Variants in NEFH observed in about 807,000 individuals in gnomAD.
NEFH encodes neurofilament heavy chain.
NEFH carries 58 observed loss-of-function variants against 56.6 expected under a neutral mutation model. The ratio of observed to expected loss-of-function variants is 1.03; its 90% CI spans 0.83 to 1.28. NEFH has a LOEUF of 1.28. Ranked by LOEUF, NEFH falls within the 50% of genes most tolerant of loss-of-function variation. NEFH has a pLI of 0.00. For missense variants in NEFH, 1,221 were observed against 1,307.6 expected (o/e 0.93, Z 1.02); for synonymous variants, 542 against 545.8 (o/e 0.99, Z 0.10).
At position 29,491,001 on chromosome 22, in the gene NEFH, C is replaced by A. The variant is rs980245580; in HGVS notation, c.*298C>A. 1.8e-5 allele frequency: 9 copies of A among 487,792 alleles called. No individual in the cohort carries two copies. Among genetic ancestry groups the A allele is most frequent in the South Asian group, 1.5e-4 (7 of 48,146 alleles). The allele number at this position is 487,792 out of a possible 1,614,324, so 30.2% of individuals were successfully genotyped here. On this transcript the variant is annotated 3_prime_UTR_variant, in exon 4 of 4. Coordinates refer to ENST00000310624, the MANE Select transcript of NEFH (RefSeq NM_021076.4). ...AAACACTTGACTATAAAAACTGCCC[C>A]CCTCCTTTCCAAATAAGTGCATTTA...
chr22:29,490,837 T>A lies in NEFH; in HGVS notation c.*134T>A. ...AACTGCTTAGATGACGGGGCCTCCT[T>A]CTTCAAACAGGAATTTCTGTTAGCA... On this transcript the variant is annotated 3_prime_UTR_variant, in exon 4 of 4. Transcript: ENST00000310624. The A allele has an allele frequency of 1.3e-6, 2 of 1,510,118 alleles. No homozygotes were observed. The highest frequency in any genetic ancestry group is 2.8e-5 in the African/African-American group (2 of 72,382). The allele number at this position is 1,510,118 out of a possible 1,614,324, so 93.5% of individuals were successfully genotyped here. A position where few individuals can be genotyped will look rare whatever the true frequency, so the allele number is the denominator to read the frequency against.
chr22:29,489,859 TGAAG>T lies in NEFH; in HGVS notation c.2224_2227del (p.Glu742LysfsTer19). ...ACCCCCGAGAAGGCCAAGTCCCCAG[TGAAG>T]GAAGAAGCTAAGTCCCCAGAGAAGG... is the stretch of plus-strand genomic sequence containing the variant. On this transcript the variant is annotated frameshift_variant, in exon 4 of 4. Coordinates refer to ENST00000310624, the MANE Select transcript of NEFH (RefSeq NM_021076.4). LOFTEE classifies it high-confidence loss of function. The T allele has an allele frequency of 6.5e-7, 1 of 1,548,178 alleles. No homozygotes were observed. Among genetic ancestry groups the T allele is most frequent in the South Asian group, 1.2e-5 (1 of 86,312 alleles).
chr22:29,485,598 G>A (rs930495438), intron 2 of NEFH, 125 bp from the exon 3 acceptor site: 2 of 1,170,498 alleles, frequency 1.7e-6, no homozygotes, highest in African/African-American at 3.0e-5. Flanking sequence ...TGGCAGGGTT[G>A]GGGTTGGCCC....
chr22:29,489,755 T>C lies in NEFH; in HGVS notation c.2115T>C (p.Pro705=), dbSNP rs1224925186. 1.9e-6 allele frequency: 3 copies of C among 1,572,212 alleles called. No individual in the cohort carries two copies. Among genetic ancestry groups the C allele is most frequent in the Non-Finnish European group, 2.6e-6 (3 of 1,163,138 alleles). ...CAGTGAAGGAAGAAGCAAAGTCCCC[T>C]GAGAAGGCCAAGTCCCCAGTGAAGG... The part of the protein sequence containing the change: ...KSPVKEEAKS[P]EKAKSPVKEE... Residue 705 remains proline (P), a synonymous_variant, in exon 4 of 4, where the codon CCT becomes CCC. Transcript: ENST00000310624.
Position 29,490,322 on chromosome 22 carries a change from G to A in NEFH, c.2682G>A (p.Lys894=). Residue 894 remains lysine, a synonymous_variant, in exon 4 of 4, where the codon AAG becomes AAA. Transcript: ENST00000310624. ...AAGAATCCAAAGTTGAAGCCAAGAAGGAAGAGGCTGAAGATAAGAAAAAAG... is the reference window on the plus strand; with the variant it reads ...AAGAATCCAAAGTTGAAGCCAAGAAAGAAGAGGCTGAAGATAAGAAAAAAG... ...KPKESKVEAK[K]EEAEDKKKVP... is the part of the protein sequence containing the mutation. 1 of 1,613,120 alleles carries A rather than the reference G, an allele frequency of 6.2e-7. No individual in the cohort carries two copies. Among genetic ancestry groups the A allele is most frequent in the South Asian group, 1.1e-5 (1 of 90,966 alleles).
chr22:29,483,379 G>T lies in NEFH; in HGVS notation c.888G>T (p.Arg296Ser). ...TLQSEEWFRV[R>S]LDRLSEAAKV... ...CCCTGCTACCTTCTCCCCCAGTGAGGCTGGACCGACTGTCGGAGGCAGCCA... is the reference window on the plus strand; with the variant it reads ...CCCTGCTACCTTCTCCCCCAGTGAGTCTGGACCGACTGTCGGAGGCAGCCA... The change falls in exon 2 of 4, where the codon AGG becomes AGT. Residue 296 changes from arginine (R) to serine (S), a missense_variant. Arg to Ser is a moderately radical substitution (Grantham distance 110). Coordinates refer to ENST00000310624, the MANE Select transcript of NEFH (RefSeq NM_021076.4). 4 of 1,613,800 alleles carry T rather than the reference G, an allele frequency of 2.5e-6. No individual in the cohort carries two copies. The East Asian group carries it at 6.7e-5, about 27-fold the overall frequency.
rs141203874 is a variant in NEFH at position 29,488,960 on chromosome 22, C to T, written c.1320C>T (p.Ser440=). 1.5e-5 allele frequency: 25 copies of T among 1,613,952 alleles called. No homozygotes were observed. The highest frequency in any genetic ancestry group is 8.3e-5 in the Admixed American group (5 of 59,996). Residue 440 remains serine (S), a synonymous_variant, in exon 4 of 4, where the codon AGC becomes AGT. Transcript: ENST00000310624. ...PSVSTHIKVK[S]EEKIKVVEKS... ...TGTCCACTCACATAAAGGTGAAAAG[C>T]GAAGAGAAGATCAAAGTGGTGGAGA...
At chr22:29,488,826 G>A (rs772152457) in intron 3 of NEFH, 23 bp from the exon 4 acceptor site, 6 of 1,613,258 alleles carry the variant, frequency 3.7e-6, no homozygotes, top group Non-Finnish European at 5.1e-6. Flanking sequence ...TTATACTAAT[G>A]TGTTCCGTGA....
rs573961510 is a variant in NEFH at position 29,480,695 on chromosome 22, C to G, written c.433C>G (p.Leu145Val). The G allele has an allele frequency of 3.9e-6, 6 of 1,538,202 alleles. No individual in the cohort carries two copies. The highest frequency in any genetic ancestry group is 4.8e-5 in the East Asian group (2 of 41,614). Residue 145 changes from leucine to valine, a missense_variant, in exon 1 of 4, where the codon CTG becomes GTG. Physicochemically the swap from Leu to Val is conservative, Grantham distance 32 (BLOSUM62 1). Coordinates refer to ENST00000310624, the MANE Select transcript of NEFH (RefSeq NM_021076.4). ...QQAGRSAMGE[L>V]YEREVREMRG... The stretch of plus-strand genomic sequence containing the variant: ...GGCGGGCCGCTCCGCTATGGGCGAG[C>G]TGTACGAGCGCGAGGTCCGCGAGAT...
In NEFH at chr22:29,480,582, G is replaced by A. The variant is rs868169170; in HGVS notation, c.320G>A (p.Arg107His). 1 of 1,555,220 alleles carries A rather than the reference G, an allele frequency of 6.4e-7. No homozygotes were observed. ...EKEQLQALNDRFAGYIDKVRQ... is the reference protein window; with the variant it reads ...EKEQLQALNDHFAGYIDKVRQ... Reference sequence around the variant, plus strand: ...GAGCAGCTGCAGGCGCTGAACGACCGCTTCGCCGGGTACATCGACAAGGTG... The same window carrying A: ...GAGCAGCTGCAGGCGCTGAACGACCACTTCGCCGGGTACATCGACAAGGTG... The change falls in exon 1 of 4, where the codon CGC becomes CAC. Residue 107 changes from arginine (R) to histidine (H), a missense_variant. Arg to His is a conservative substitution (Grantham distance 29, BLOSUM62 0). Transcript: ENST00000310624.
chr22:29,490,661 TC>T lies in NEFH; in HGVS notation c.3023del (p.Pro1008GlnfsTer48), dbSNP rs754817483. On this transcript the variant is annotated frameshift_variant, in exon 4 of 4. Transcript: ENST00000310624. LOFTEE classifies it high-confidence loss of function. ...GCACAGACCAAAAAGACAGCAAGCCTCCAGAGAAGGCCACAGAAGACAAGGC... is the reference window on the plus strand; with the variant it reads ...GCACAGACCAAAAAGACAGCAAGCCTCAGAGAAGGCCACAGAAGACAAGGC... ...SSTDQKDSKP[P>X]EKATEDKAAK... is the part of the protein sequence containing the mutation. The T allele has an allele frequency of 6.2e-7, 1 of 1,613,672 alleles. No individual in the cohort carries two copies. The highest frequency in any genetic ancestry group is 1.7e-5 in the Admixed American group (1 of 59,960).
At chr22:29,487,961 C>T (rs1354905183) in intron 3 of NEFH, among the ~76,000 whole-genome samples, 1 of 152,170 alleles carries the variant, frequency 6.6e-6, no homozygotes, top group Non-Finnish European at 1.5e-5. Flanking sequence ...GGAGAAACTG[C>T]GGCCTCTACC....
At chr22:29,486,767 C>G (rs538692307) in intron 3 of NEFH, among the ~76,000 whole-genome samples, 1 of 152,238 alleles carries the variant, frequency 6.6e-6, no homozygotes, top group African/African-American at 2.4e-5. Context: ...AGGTGATCCG[C>G]CTACCTCGGC....
In NEFH at chr22:29,490,381, TG is replaced by T; in HGVS notation, c.2743del (p.Glu915ArgfsTer2). 6.2e-7 allele frequency: 1 copy of T among 1,610,390 alleles called. No homozygotes were observed. The highest frequency in any genetic ancestry group is 8.5e-7 in the Non-Finnish European group (1 of 1,178,872). ...CCAGAGAAGGAGGCTCCTGCCAAGG[TG>T]GAGGTGAAGGAAGACGCTAAACCCA... ...PTPEKEAPAK[V>X]EVKEDAKPKE... On this transcript the variant is annotated frameshift_variant, in exon 4 of 4. Transcript: ENST00000310624. LOFTEE classifies it high-confidence loss of function.
chr22:29,488,091 G>A (rs184225245), intron 3 of NEFH, among the ~76,000 whole-genome samples: 101 of 152,226 alleles, frequency 6.6e-4, no homozygotes, highest in Middle Eastern at 3.4e-3. Context: ...GGTCGGGTGC[G>A]GTGGCTCACA....
At chr22:29,482,526 G>C (rs1027667479) in intron 1 of NEFH, among the ~76,000 whole-genome samples, 1 of 152,224 alleles carries the variant, frequency 6.6e-6, no homozygotes, top group African/African-American at 2.4e-5. Context: ...ACAGGGGTTG[G>C]CACCCAGGCC....
chr22:29,485,278 T>C (rs901654396), intron 2 of NEFH, among the ~76,000 whole-genome samples: 1 of 152,166 alleles, frequency 6.6e-6, no homozygotes, highest in Non-Finnish European at 1.5e-5. Flanking sequence ...AATTTTTGTA[T>C]TTTTAGTAGA....
Position 29,480,237 on chromosome 22 carries a change from C to T in NEFH, c.-26C>T. On this transcript the variant is annotated 5_prime_UTR_variant, in exon 1 of 4. Coordinates refer to ENST00000310624, the MANE Select transcript of NEFH (RefSeq NM_021076.4). ...GCTGCCGCAGTGCCTCCCGCCCCGT[C>T]CCGGCCTCGCGCACCTGCTCAGGCC... The T allele has an allele frequency of 2.0e-6, 3 of 1,495,910 alleles. No individual in the cohort carries two copies. In the South Asian group the frequency reaches 3.8e-5, roughly 19 times the overall value. The allele number at this position is 1,495,910 out of a possible 1,614,324, so 92.7% of individuals were successfully genotyped here.
At chr22:29,485,874 G>A (rs187983020) in intron 3 of NEFH, 27 bp downstream of exon 3, 17 of 1,613,840 alleles carry the variant, frequency 1.1e-5, no homozygotes, top group Non-Finnish European at 1.3e-5. Context: ...CTGTCACATG[G>A]TGAAGAAAGC....
Sources: gnomAD v4.1 joint callset for allele counts (sites outside exome capture counted in the v4.1 genomes callset) on GRCh38, gnomAD v4.1.1 for gene constraint, MANE v1.5 for transcripts, NCBI Gene and HGNC (gene_info 2026-07-23, HGNC 2026-07-21) for gene names.